The following CACNA2D3 variants were observed in gnomAD, a reference collection of about 807,000 sequenced individuals.
CACNA2D3 encodes the protein voltage-dependent calcium channel subunit alpha-2/delta-3.
Under a neutral mutation model 160.6 loss-of-function variants are expected in CACNA2D3, and 60 were observed. The observed-to-expected ratio is 0.37, with a 90% CI of 0.30 to 0.46. The LOEUF is 0.46. Ranked by LOEUF, CACNA2D3 falls within the 20% of genes least tolerant of loss-of-function variation. The pLI, the probability that CACNA2D3 is intolerant of heterozygous loss-of-function variation, is 1.00. For synonymous variants in CACNA2D3, 558 were observed against 492.9 expected (o/e 1.13, Z -1.75); for missense variants, 1,205 against 1,365.0 (o/e 0.88, Z 1.85).
rs922894525 is a variant in CACNA2D3 at position 54,460,491 on chromosome 3, A to G, written c.382-43001A>G. ...AGTTCTCCTTGAAGAGGTCCTTCAC[A>G]TCCCTTCTAAGTTGGAATCCTAGGT... is the stretch of plus-strand genomic sequence containing the variant. On this transcript the variant is annotated intron_variant, in intron 4 of 37. Coordinates refer to ENST00000474759, the MANE Select transcript of CACNA2D3 (RefSeq NM_018398.3). Among the ~76,000 whole-genome samples the G allele has an allele frequency of 3.9e-5, 6 of 152,282 alleles. No individual in the cohort carries two copies. The South Asian group carries it at 6.2e-4, about 16-fold the overall frequency.
intron 13 of CACNA2D3, among the ~76,000 whole-genome samples, chr3:54,808,227 A>C (rs1703186301): frequency 6.6e-6 from 1 of 152,072 alleles, no homozygotes; most frequent in Non-Finnish European, 1.5e-5. Flanking sequence ...AAAAATAAAA[A>C]ATAGTAAGAA....
At chr3:54,695,426 A>T (rs548046032) in intron 11 of CACNA2D3, among the ~76,000 whole-genome samples, 18 of 150,488 alleles carry the variant, frequency 1.2e-4, no homozygotes, top group Non-Finnish European at 2.2e-4. Context: ...CTTTGTGCAT[A>T]TCACAAGTTG....
At chr3:54,513,557 A>G (rs1224828746) in intron 5 of CACNA2D3, among the ~76,000 whole-genome samples, 2 of 152,186 alleles carry the variant, frequency 1.3e-5, no homozygotes, top group Non-Finnish European at 2.9e-5. Flanking sequence ...GGCAATCAGC[A>G]TGCAAGCCTA....
At chr3:54,246,014 C>T (rs13314693) in intron 2 of CACNA2D3, among the ~76,000 whole-genome samples, 7,343 of 152,294 alleles carry the variant, frequency 0.048, 355 homozygotes, top group African/African-American at 0.1. Flanking sequence ...GTAGCTATTA[C>T]ATACTATACT....
chr3:54,933,335 T>C (rs2106961784), intron 27 of CACNA2D3, among the ~76,000 whole-genome samples: 1 of 152,352 alleles, frequency 6.6e-6, no homozygotes, highest in South Asian at 2.1e-4. Context: ...TTTATTTCTC[T>C]TATCACAGTC....
At chr3:54,758,830 A>C (rs1331052839) in intron 12 of CACNA2D3, among the ~76,000 whole-genome samples, 3 of 152,138 alleles carry the variant, frequency 2.0e-5, no homozygotes, top group Non-Finnish European at 4.4e-5. Context: ...AACAACTCAA[A>C]GGAATCAAAG....
chr3:54,929,837 C>A (rs1701141231), intron 27 of CACNA2D3, among the ~76,000 whole-genome samples: 1 of 152,144 alleles, frequency 6.6e-6, no homozygotes, highest in Admixed American at 6.5e-5. Context: ...ACATACATAA[C>A]CATCAATGGC....
chr3:54,297,536 C>T (rs895611921), intron 2 of CACNA2D3, among the ~76,000 whole-genome samples: 3 of 152,036 alleles, frequency 2.0e-5, no homozygotes, highest in Admixed American at 2.0e-4. Context: ...TATGTTTTCT[C>T]ACCTGTTTTT....
rs999462784 is a variant in CACNA2D3 at position 54,390,569 on chromosome 3, G to C, written c.381+3795G>C. 2.0e-5 allele frequency among the ~76,000 whole-genome samples: 3 copies of C among 152,170 alleles called. 1 individual carries two copies. The highest frequency in any genetic ancestry group is 4.1e-4 in the South Asian group (2 of 4,826). On this transcript the variant is annotated intron_variant, in intron 4 of 37. Transcript: ENST00000474759. ...CAATATGACAATGCCATTCACACTG[G>C]TGCTCCGACCTCAGTGAACTCCTCT...
At chr3:54,666,659 T>C (rs1261349345) in intron 11 of CACNA2D3, among the ~76,000 whole-genome samples, 2 of 152,354 alleles carry the variant, frequency 1.3e-5, no homozygotes, top group Non-Finnish European at 1.5e-5. Context: ...CATTTTTTGC[T>C]GTGAAGTCAC....
At chr3:54,400,985 T>C (rs1699451054) in intron 4 of CACNA2D3, among the ~76,000 whole-genome samples, 1 of 152,204 alleles carries the variant, frequency 6.6e-6, no homozygotes, top group South Asian at 2.1e-4. Flanking sequence ...AGATAGGCAA[T>C]TCAGTGAAAT....
At chr3:54,534,135 C>T (rs1701849341) in intron 5 of CACNA2D3, among the ~76,000 whole-genome samples, 1 of 152,142 alleles carries the variant, frequency 6.6e-6, no homozygotes, top group African/African-American at 2.4e-5. Context: ...CTTCTCTCGC[C>T]TGGCTGGCTG....
intron 35 of CACNA2D3, among the ~76,000 whole-genome samples, chr3:55,044,719 T>G (rs1196795392): frequency 6.6e-6 from 1 of 152,174 alleles, no homozygotes; most frequent in Non-Finnish European, 1.5e-5. Context: ...CTGTTAGAAT[T>G]TTATCATTAA....
At chr3:54,695,653 C>T (rs1700651090) in intron 11 of CACNA2D3, among the ~76,000 whole-genome samples, 2 of 152,114 alleles carry the variant, frequency 1.3e-5, no homozygotes, top group Non-Finnish European at 2.9e-5. Context: ...ATAAATGCAA[C>T]CTCTTCTTAA....
rs369159814 is a variant in CACNA2D3 at position 54,199,522 on chromosome 3, G to C, written c.204+75928G>C. ...CAGGCACGTGCTACCCGTCCCCTCC[G>C]CCTCCCGCCACTAATTTTTTTATTT... On this transcript the variant is annotated intron_variant, in intron 2 of 37. Coordinates refer to ENST00000474759, the MANE Select transcript of CACNA2D3 (RefSeq NM_018398.3). 2.2e-4 allele frequency among the ~76,000 whole-genome samples: 33 copies of C among 151,400 alleles called. No individual in the cohort carries two copies. The East Asian group carries it at 4.5e-3, about 20-fold the overall frequency.
chr3:54,450,027 G>A (rs1238424444), intron 4 of CACNA2D3, among the ~76,000 whole-genome samples: 1 of 152,108 alleles, frequency 6.6e-6, no homozygotes, highest in African/African-American at 2.4e-5. Flanking sequence ...TAATATTTAA[G>A]CAATGTAATA....
intron 2 of CACNA2D3, among the ~76,000 whole-genome samples, chr3:54,173,866 T>TGTCA: frequency 6.6e-6 from 1 of 152,138 alleles, no homozygotes; most frequent in Non-Finnish European, 1.5e-5. Context: ...GCTTATAGAG[T>TGTCA]GTCAGCGTGG....
chr3:55,051,996 C>G (rs1038487924), intron 35 of CACNA2D3, among the ~76,000 whole-genome samples: 2 of 152,156 alleles, frequency 1.3e-5, no homozygotes, highest in Non-Finnish European at 2.9e-5. Context: ...TGACCTGCGC[C>G]CACTGTCTGG....
At chr3:54,609,605 G>A (rs963853000) in intron 9 of CACNA2D3, among the ~76,000 whole-genome samples, 3 of 152,134 alleles carry the variant, frequency 2.0e-5, no homozygotes, top group Admixed American at 6.5e-5. Flanking sequence ...ATCTTAACAC[G>A]TCCGCTAATA....
Sources: gnomAD v4.1 joint callset for allele counts (sites outside exome capture counted in the v4.1 genomes callset) on GRCh38, gnomAD v4.1.1 for gene constraint, MANE v1.5 for transcripts, NCBI Gene and HGNC (gene_info 2026-07-23, HGNC 2026-07-21) for gene names.